ZNF469: variants seen among roughly 807,000 people sequenced by gnomAD.
The protein encoded by ZNF469 is zinc finger protein 469.
ZNF469 carries 1 observed loss-of-function variant against 1.0 expected under a neutral mutation model. That is an observed-to-expected ratio of 1.00 (90% CI 0.35 to 4.73). The LOEUF (loss-of-function observed/expected upper bound fraction) is 4.73, where lower values mean the gene tolerates loss of function less well. ZNF469 is among the 30% of genes most tolerant of loss of function. The pLI is 0.16. For missense variants in ZNF469, 6,100 were observed against 5,356.3 expected (o/e 1.14, Z -4.33); for synonymous variants, 2,703 against 2,363.4 (o/e 1.14, Z -4.17).
At chr16:88,314,826 G>C in the ZNF469 span, among the ~76,000 whole-genome samples, 1 of 146,332 alleles carries the variant, frequency 6.8e-6, no homozygotes, top group Non-Finnish European at 1.5e-5. Flanking sequence ...GATGATGCTG[G>C]TGTGGACTGT....
the ZNF469 span, among the ~76,000 whole-genome samples, chr16:88,101,793 C>G: frequency 6.6e-6 from 1 of 152,166 alleles, no homozygotes; most frequent in Non-Finnish European, 1.5e-5. Context: ...CATTATAAAG[C>G]TGGGCCATGA....
chr16:88,101,727 T>A, the ZNF469 span, among the ~76,000 whole-genome samples: 1 of 152,180 alleles, frequency 6.6e-6, no homozygotes, highest in Admixed American at 6.5e-5. Flanking sequence ...ATCCTTTCAT[T>A]TGAACACGTT....
chr16:88,127,376 A>G, the ZNF469 span, among the ~76,000 whole-genome samples: 1 of 152,244 alleles, frequency 6.6e-6, no homozygotes, highest in Non-Finnish European at 1.5e-5. Flanking sequence ...ATCTCGCTAG[A>G]ATAGAATATT....
rs528519376 is a variant in ZNF469 at position 88,438,555 on chromosome 16, C to T, written c.11085C>T (p.Phe3695=). The part of the protein sequence containing the change: ...AASTPSKALK[F]PVHPRKAVGS... ...CCACCCCCAGCAAAGCACTCAAGTT[C>T]CCAGTGCACCCAAGGAAGGCGGTGG... Residue 3695 remains phenylalanine, a synonymous_variant, in exon 3 of 3, where the codon TTC becomes TTT. Transcript: ENST00000565624. 7 of 1,550,044 alleles carry T rather than the reference C, an allele frequency of 4.5e-6. No homozygotes were observed. The highest frequency in any genetic ancestry group is 2.0e-5 in the Admixed American group (1 of 50,986).
At chr16:88,377,362 G>A in the ZNF469 span, among the ~76,000 whole-genome samples, 5 of 152,298 alleles carry the variant, frequency 3.3e-5, no homozygotes, top group Admixed American at 1.3e-4. Context: ...CTACTCTCCC[G>A]CTGGGCCCGC....
At chr16:88,107,056 G>T in the ZNF469 span, among the ~76,000 whole-genome samples, 1 of 152,214 alleles carries the variant, frequency 6.6e-6, no homozygotes, top group Admixed American at 6.5e-5. Flanking sequence ...GTGCTGGCAG[G>T]CGGGCGGGGG....
chr16:88,312,630 A>C, the ZNF469 span, among the ~76,000 whole-genome samples: 1 of 152,142 alleles, frequency 6.6e-6, no homozygotes, highest in Non-Finnish European at 1.5e-5. Context: ...TTTTGTTAGA[A>C]ACATCTTTCA....
the ZNF469 span, among the ~76,000 whole-genome samples, chr16:88,200,651 G>A: frequency 1.9e-4 from 29 of 152,352 alleles, no homozygotes; most frequent in African/African-American, 2.9e-4. Context: ...AGGTAGGGGC[G>A]GCCCAGACCA....
Position 88,429,702 on chromosome 16 carries a change from G to C in ZNF469, c.2232G>C (p.Ala744=). The C allele has an allele frequency of 5.2e-6, 8 of 1,542,704 alleles. No individual in the cohort carries two copies. The highest frequency in any genetic ancestry group is 7.0e-6 in the Non-Finnish European group (8 of 1,142,146). The change falls in exon 3 of 3, where the codon GCG becomes GCC. Residue 744 remains alanine, a synonymous_variant. Transcript: ENST00000565624. ...RQCDRNYSSL[A]AFLAHRQFCG... Reference sequence around the variant, plus strand: ...GTGACCGCAACTACAGCAGCCTGGCGGCCTTCCTGGCCCACCGGCAGTTCT... The same window carrying C: ...GTGACCGCAACTACAGCAGCCTGGCCGCCTTCCTGGCCCACCGGCAGTTCT...
the ZNF469 span, among the ~76,000 whole-genome samples, chr16:88,218,792 A>T: frequency 6.6e-6 from 1 of 151,664 alleles, no homozygotes; most frequent in East Asian, 1.9e-4. Flanking sequence ...AGAAGGAAAT[A>T]AAAGGTATTC....
the ZNF469 span, among the ~76,000 whole-genome samples, chr16:88,234,372 G>C: frequency 6.6e-6 from 1 of 152,260 alleles, no homozygotes; most frequent in African/African-American, 2.4e-5. Flanking sequence ...CAAGAAACTT[G>C]TGTGACCTTG....
Position 88,436,995 on chromosome 16 carries a change from G to C in ZNF469, c.9525G>C (p.Trp3175Cys). 1 of 1,519,586 alleles carries C rather than the reference G, an allele frequency of 6.6e-7. No homozygotes were observed. 94.1% of individuals were successfully genotyped at this position (1,519,586 alleles called of 1,614,324 possible). ...ERHAQSKAGPWACGMCLKEVA... is the reference protein window; with the variant it reads ...ERHAQSKAGPCACGMCLKEVA... ...ACGCGCAGAGCAAGGCCGGGCCCTGGGCGTGCGGCATGTGCCTGAAGGAGG... is the reference window on the plus strand; with the variant it reads ...ACGCGCAGAGCAAGGCCGGGCCCTGCGCGTGCGGCATGTGCCTGAAGGAGG... The change falls in exon 3 of 3, where the codon TGG becomes TGC. Residue 3175 changes from tryptophan to cysteine, a missense_variant. By Grantham distance (215) the Trp-to-Cys change is radical. Transcript: ENST00000565624.
the ZNF469 span, among the ~76,000 whole-genome samples, chr16:88,157,102 C>T: frequency 1.3e-5 from 2 of 152,210 alleles, no homozygotes; most frequent in Non-Finnish European, 2.9e-5. Flanking sequence ...CTGCAGGGCT[C>T]CTGTGTCCCG....
intron 1 of ZNF469, among the ~76,000 whole-genome samples, chr16:88,413,849 C>T (rs1232384881): frequency 2.6e-5 from 4 of 152,178 alleles, no homozygotes; most frequent in African/African-American, 4.8e-5. Context: ...ACCGGGCCAG[C>T]CCCCAGGGCT....
the ZNF469 span, among the ~76,000 whole-genome samples, chr16:88,273,861 G>C: frequency 6.8e-6 from 1 of 147,210 alleles, no homozygotes; most frequent in Admixed American, 7.0e-5. Context: ...CTGGAGTGCA[G>C]TGGCGCGATC....
chr16:88,419,497 A>G (rs1905393005), intron 1 of ZNF469, among the ~76,000 whole-genome samples: 1 of 152,056 alleles, frequency 6.6e-6, no homozygotes, highest in African/African-American at 2.4e-5. Flanking sequence ...TGCTCTTCCC[A>G]GCCCGGTCCC....
rs1489536930 is a variant in ZNF469 at position 88,436,041 on chromosome 16, C to T, written c.8571C>T (p.Val2857=). 1 of 1,550,190 alleles carries T rather than the reference C, an allele frequency of 6.5e-7. No homozygotes were observed. Among genetic ancestry groups the T allele is most frequent in the Non-Finnish European group, 8.7e-7 (1 of 1,146,996 alleles). ...CTCCAAGCTTGTTTGATGATGAGGTCTCTTTCTCCCAGCTCTTCCCTCCAG... is the reference window on the plus strand; with the variant it reads ...CTCCAAGCTTGTTTGATGATGAGGTTTCTTTCTCCCAGCTCTTCCCTCCAG... ...KDPPSLFDDE[V]SFSQLFPPGG... The change falls in exon 3 of 3, where the codon GTC becomes GTT. Residue 2857 remains valine (V), a synonymous_variant. Transcript: ENST00000565624.
the ZNF469 span, among the ~76,000 whole-genome samples, chr16:88,211,244 G>T: frequency 6.6e-6 from 1 of 152,238 alleles, no homozygotes; most frequent in Non-Finnish European, 1.5e-5. Context: ...ATTCTCATGT[G>T]TTTGTGATCT....
the ZNF469 span, among the ~76,000 whole-genome samples, chr16:88,162,304 G>GA: frequency 8.1e-6 from 1 of 124,174 alleles, no homozygotes; most frequent in Non-Finnish European, 1.7e-5. Flanking sequence ...ATTCAACACT[G>GA]AAAAAAATTG....
Sources: allele counts gnomAD v4.1 joint callset (sites outside exome capture counted in the v4.1 genomes callset), GRCh38; gene constraint gnomAD v4.1.1; transcripts MANE v1.5; gene names NCBI Gene and HGNC (gene_info 2026-07-23, HGNC 2026-07-21).